SNAPC3: variants seen among roughly 807,000 people sequenced by gnomAD.
The protein encoded by SNAPC3 is small nuclear RNA activating complex polypeptide 3, also known as snRNA-activating protein complex subunit 3.
SNAPC3 carries 56 observed loss-of-function variants against 47.7 expected under a neutral mutation model. That is an observed-to-expected ratio of 1.18 (90% CI 0.95 to 1.47). The LOEUF (loss-of-function observed/expected upper bound fraction) is 1.47. Among genes scored for constraint, SNAPC3 ranks in the 40% most tolerant of loss-of-function variants. The pLI is 0.00. For synonymous variants in SNAPC3, 235 were observed against 189.9 expected, an observed-to-expected ratio of 1.24 and a Z score of -1.95; for missense variants, 665 against 511.3, an observed-to-expected ratio of 1.30 and a Z score of -2.90.
At chr9:15,447,719 T>A (rs1456379387) in intron 5 of SNAPC3, among the ~76,000 whole-genome samples, 2 of 152,160 alleles carry the variant, frequency 1.3e-5, no homozygotes, top group African/African-American at 4.8e-5. Context: ...AGAGTTGTGA[T>A]CTGTCATGAT....
intron 3 of SNAPC3, among the ~76,000 whole-genome samples, chr9:15,435,874 G>C (rs1180450801): frequency 2.8e-5 from 1 of 35,312 alleles, no homozygotes; most frequent in Non-Finnish European, 5.7e-5. Context: ...ACAGAGTTTT[G>C]CTCTTGTTGC....
chr9:15,439,306 A>G (rs939114370), intron 3 of SNAPC3, among the ~76,000 whole-genome samples: 5 of 152,180 alleles, frequency 3.3e-5, no homozygotes, highest in South Asian at 2.1e-4. Context: ...TTGGCTTTAT[A>G]TAAGTTTATA....
intron 2 of SNAPC3, among the ~76,000 whole-genome samples, chr9:15,430,829 G>A (rs1249798245): frequency 6.6e-6 from 1 of 152,134 alleles, no homozygotes; most frequent in East Asian, 1.9e-4. Context: ...GTAATTTCCA[G>A]TACATTCTAT....
At chr9:15,454,664 C>G (rs779348704) in intron 7 of SNAPC3, among the ~76,000 whole-genome samples, 10 of 152,004 alleles carry the variant, frequency 6.6e-5, no homozygotes, top group African/African-American at 1.7e-4. Context: ...TGGGCCAGGC[C>G]CGGTGGCTCA....
chr9:15,450,133 A>C (rs992345120), intron 5 of SNAPC3, among the ~76,000 whole-genome samples: 31 of 152,154 alleles, frequency 2.0e-4, no homozygotes, highest in African/African-American at 7.2e-4. Flanking sequence ...TGTAGCAGCT[A>C]GTCATATGAC....
intron 3 of SNAPC3, among the ~76,000 whole-genome samples, chr9:15,437,864 C>A (rs1262521944): frequency 6.6e-6 from 1 of 152,152 alleles, no homozygotes; most frequent in Non-Finnish European, 1.5e-5. Context: ...AAAGCCTTTT[C>A]ATATGCTTCT....
intron 5 of SNAPC3, among the ~76,000 whole-genome samples, chr9:15,449,095 G>A (rs1215020847): frequency 1.3e-5 from 2 of 152,100 alleles, no homozygotes; most frequent in African/African-American, 2.4e-5. Context: ...CAAGGTGTGA[G>A]CCACCGTGCC....
chr9:15,447,706 G>T (rs975819186), intron 5 of SNAPC3, among the ~76,000 whole-genome samples: 3 of 152,056 alleles, frequency 2.0e-5, no homozygotes, highest in Admixed American at 6.6e-5. Context: ...TTGAAGCTCT[G>T]TCAGAGTTGT....
rs749048262 is a variant in SNAPC3, at chr9:15,459,858, T to C, written c.1228T>C (p.Phe410Leu). ...TTATCCTTATGTTGATCCTGGAACC[T>C]TTAATTAAGAATAGCTACACTCACA... is the stretch of plus-strand genomic sequence containing the variant. The part of the protein sequence containing the change: ...LAYPYVDPGT[F>L]N The change falls in exon 9 of 9, where the codon TTT becomes CTT. Residue 410 changes from phenylalanine to leucine, a missense_variant. Phe to Leu is a conservative substitution (Grantham distance 22). Coordinates refer to ENST00000380821, the MANE Select transcript of SNAPC3 (RefSeq NM_001039697.2). The C allele has an allele frequency of 1.9e-6, 3 of 1,612,232 alleles. No individual in the cohort carries two copies. The highest frequency in any genetic ancestry group is 1.3e-5 in the African/African-American group (1 of 74,832).
chr9:15,451,559 C>G (rs1484408191), intron 6 of SNAPC3, among the ~76,000 whole-genome samples, 157 bp downstream of exon 6: 1 of 152,118 alleles, frequency 6.6e-6, no homozygotes, highest in African/African-American at 2.4e-5. Context: ...AAAAAATTAG[C>G]CAGACACAGT....
intron 3 of SNAPC3, among the ~76,000 whole-genome samples, chr9:15,434,596 C>T (rs947423009): frequency 6.6e-6 from 1 of 151,834 alleles, no homozygotes; most frequent in South Asian, 2.1e-4. Context: ...TTAGTAGAGA[C>T]GGTTTCATCA....
Position 15,428,970 on chromosome 9 carries a change from G to GA in SNAPC3, c.393-4573dup, listed in dbSNP as rs199801032. 7.4e-3 allele frequency among the ~76,000 whole-genome samples: 1,110 copies of GA among 149,342 alleles called. 13 individuals are homozygous for GA. The highest frequency in any genetic ancestry group is 0.023 in the African/African-American group (931 of 40,740). ...AATCCAGCAAAAGTTTCCAGAAATT[G>GA]AAAAAAAAACTAAATCTAGAAAGGG... On this transcript the variant is annotated intron_variant, in intron 2 of 8. Coordinates refer to ENST00000380821, the MANE Select transcript of SNAPC3 (RefSeq NM_001039697.2).
rs1012147409 is a variant in SNAPC3 at position 15,453,303 on chromosome 9, G to T, written c.980+98G>T. 1.2e-5 allele frequency: 11 copies of T among 948,018 alleles called. No individual in the cohort carries two copies. The African/African-American group carries it at 1.8e-4, about 16-fold the overall frequency. The allele number at this position is 948,018 out of a possible 1,614,324, so 58.7% of individuals were successfully genotyped here. Reference sequence around the variant, plus strand: ...TTTTTTAAAAATAAGAGGAGTAAAAGTAATAACCATTGCAACTTGGCTTGG... The same window carrying T: ...TTTTTTAAAAATAAGAGGAGTAAAATTAATAACCATTGCAACTTGGCTTGG... On this transcript the variant is annotated intron_variant, in intron 7 of 8. Transcript: ENST00000380821.
At chr9:15,434,966 G>A (rs2032611409) in intron 3 of SNAPC3, among the ~76,000 whole-genome samples, 1 of 152,140 alleles carries the variant, frequency 6.6e-6, no homozygotes, top group Non-Finnish European at 1.5e-5. Flanking sequence ...GGAATTGATG[G>A]ATTGTATGGT....
chr9:15,430,494 AAAG>A (rs771875851), intron 2 of SNAPC3, among the ~76,000 whole-genome samples: 28 of 152,322 alleles, frequency 1.8e-4, no homozygotes, highest in Admixed American at 8.5e-4. Context: ...AAGTAAGTGA[AAAG>A]AAAATACTAG....
In SNAPC3 at chr9:15,453,273, A is replaced by C. The variant is rs545184407; in HGVS notation, c.980+68A>C. 6 of 1,283,200 alleles carry C rather than the reference A, an allele frequency of 4.7e-6. No homozygotes were observed. The African/African-American group carries it at 9.0e-5, about 19-fold the overall frequency. The allele number at this position is 1,283,200 out of a possible 1,614,324, so 79.5% of individuals were successfully genotyped here. A position where few individuals can be genotyped will look rare whatever the true frequency, so the allele number is the denominator to read the frequency against. On this transcript the variant is annotated intron_variant, in intron 7 of 8. Coordinates refer to ENST00000380821, the MANE Select transcript of SNAPC3 (RefSeq NM_001039697.2). Reference sequence around the variant, plus strand: ...TTTATTTCAGAGTACAAAACCAGAGATAGTTTTTTTAAAAATAAGAGGAGT... The same window carrying C: ...TTTATTTCAGAGTACAAAACCAGAGCTAGTTTTTTTAAAAATAAGAGGAGT...
At chr9:15,434,103 C>G (rs1283947170) in intron 3 of SNAPC3, among the ~76,000 whole-genome samples, 1 of 152,162 alleles carries the variant, frequency 6.6e-6, no homozygotes, top group Non-Finnish European at 1.5e-5. Context: ...ATACGGGCAC[C>G]TATTGTCTCT....
intron 3 of SNAPC3, among the ~76,000 whole-genome samples, chr9:15,434,853 TTCTTTTA>T: frequency 6.6e-6 from 1 of 152,308 alleles, no homozygotes; most frequent in Admixed American, 6.5e-5. Flanking sequence ...GACATTTGGG[TTCTTTTA>T]TCTTTTGGCT....
chr9:15,442,503 T>G (rs1587295819), intron 3 of SNAPC3, among the ~76,000 whole-genome samples: 1 of 148,644 alleles, frequency 6.7e-6, no homozygotes, highest in Non-Finnish European at 1.5e-5. Context: ...ACCGGGCGGC[T>G]GGGCGGAGAC....
Sources: gnomAD v4.1 joint callset for allele counts (sites outside exome capture counted in the v4.1 genomes callset) on GRCh38, gnomAD v4.1.1 for gene constraint, MANE v1.5 for transcripts, NCBI Gene and HGNC (gene_info 2026-07-23, HGNC 2026-07-21) for gene names.